Variants in PXT1 observed in about 807,000 individuals in gnomAD.
The protein encoded by PXT1 is peroxisomal testis-specific protein 1.
Under a neutral mutation model 11.0 loss-of-function variants are expected in PXT1, and 11 were observed. The observed-to-expected ratio is 1.00, with a 90% CI of 0.63 to 1.66. PXT1 has a LOEUF of 1.66. Ranked by LOEUF, PXT1 falls within the 40% of genes most tolerant of loss-of-function variation. The pLI is 0.00. For synonymous variants in PXT1, 43 were observed against 51.4 expected (o/e 0.84, Z 0.70); for missense variants, 141 against 155.5 (o/e 0.91, Z 0.49).
intron 3 of PXT1, among the ~76,000 whole-genome samples, chr6:36,414,807 T>A (rs9296180): frequency 1.3e-5 from 2 of 152,022 alleles, no homozygotes; most frequent in African/African-American, 4.8e-5. Flanking sequence ...TTCTCAGAGA[T>A]AAACCACCTC....
intron 4 of PXT1, among the ~76,000 whole-genome samples, chr6:36,392,497 C>G (rs1371363434): frequency 1.3e-5 from 2 of 151,980 alleles, no homozygotes; most frequent in Non-Finnish European, 2.9e-5. Flanking sequence ...GGTGAAACCT[C>G]ATCTCTAGAA....
intron 4 of PXT1, among the ~76,000 whole-genome samples, chr6:36,396,991 C>CTG (rs112294455): frequency 0.47 from 71,552 of 151,626 alleles, 17,266 homozygotes; most frequent in Middle Eastern, 0.58. Flanking sequence ...CTACTCTCTC[C>CTG]AGGGCCTCCT....
rs148989595 is a variant in PXT1 at position 36,395,767 on chromosome 6, A to C, written c.301-3893T>G. Among the ~76,000 whole-genome samples, 854 of 152,214 alleles carry C rather than the reference A, an allele frequency of 5.6e-3. 12 individuals are homozygous for C. The highest frequency in any genetic ancestry group is 7.0e-3 in the Non-Finnish European group (477 of 68,010). On this transcript the variant is annotated intron_variant, in intron 4 of 4. Coordinates refer to ENST00000454782, the MANE Select transcript of PXT1 (RefSeq NM_152990.4). The stretch of plus-strand genomic sequence containing the variant: ...GTAATCCTAGCACTTTGGGAGGCCG[A>C]GGCAGGCAGATTGCTTGAGCCCAGG...
In PXT1 at chr6:36,390,936, A is replaced by G. The variant is rs1774056948; in HGVS notation, c.*834T>C. The G allele has an allele frequency of 6.6e-6, 1 of 152,264 alleles. No individual in the cohort carries two copies. Among genetic ancestry groups the G allele is most frequent in the South Asian group, 2.1e-4 (1 of 4,836 alleles). The allele number at this position is 152,264 out of a possible 1,614,324, so 9.4% of individuals were successfully genotyped here. On this transcript the variant is annotated 3_prime_UTR_variant, in exon 5 of 5. Coordinates refer to ENST00000454782, the MANE Select transcript of PXT1 (RefSeq NM_152990.4). Reference sequence around the variant, plus strand: ...AGGCAGGACTGTTGGCCAAGGACTAAGCACTCCCGATTTTAAGCAGGCATG... The same window carrying G: ...AGGCAGGACTGTTGGCCAAGGACTAGGCACTCCCGATTTTAAGCAGGCATG...
chr6:36,415,300 A>C (rs535361713), intron 3 of PXT1, among the ~76,000 whole-genome samples: 168 of 152,218 alleles, frequency 1.1e-3, no homozygotes, highest in Middle Eastern at 6.8e-3. Context: ...AAAATTAGCC[A>C]GACATGGTGG....
intron 4 of PXT1, among the ~76,000 whole-genome samples, chr6:36,399,437 G>A (rs1344295867): frequency 3.3e-5 from 5 of 152,206 alleles, no homozygotes; most frequent in South Asian, 2.1e-4. Flanking sequence ...GTGAGCCACC[G>A]CACCTGGCCC....
intron 3 of PXT1, among the ~76,000 whole-genome samples, chr6:36,412,154 C>G (rs966642061): frequency 3.3e-5 from 5 of 151,462 alleles, no homozygotes; most frequent in Non-Finnish European, 2.9e-5. Context: ...GAGTTCAAGA[C>G]CAGCCTGGCC....
At chr6:36,441,125 AAAAG>A (rs1485198120) in intron 1 of PXT1, among the ~76,000 whole-genome samples, 33 of 152,094 alleles carry the variant, frequency 2.2e-4, no homozygotes, top group East Asian at 1.5e-3. Context: ...AAAAAAAAAA[AAAAG>A]AAAGACAATA....
intron 2 of PXT1, among the ~76,000 whole-genome samples, chr6:36,435,890 G>A (rs183658275): frequency 1.3e-5 from 2 of 152,158 alleles, no homozygotes; most frequent in Admixed American, 6.5e-5. Context: ...CCCTTTTCCT[G>A]CAACATCTCA....
chr6:36,416,072 C>A (rs1378856582), intron 3 of PXT1, among the ~76,000 whole-genome samples: 1 of 151,868 alleles, frequency 6.6e-6, no homozygotes, highest in South Asian at 2.1e-4. Flanking sequence ...GGGTGGCTCA[C>A]GTCTGCAATC....
chr6:36,430,525 A>G (rs544267), intron 2 of PXT1, among the ~76,000 whole-genome samples: 65,352 of 151,942 alleles, frequency 0.43, 15,513 homozygotes, highest in African/African-American at 0.61. Flanking sequence ...AGAGGTCAGA[A>G]TGACATGAGA....
At chr6:36,399,294 T>G (rs981600916) in intron 4 of PXT1, among the ~76,000 whole-genome samples, 7 of 152,036 alleles carry the variant, frequency 4.6e-5, no homozygotes, top group African/African-American at 1.4e-4. Context: ...TACAGGTGTG[T>G]GCCACCATGC....
chr6:36,424,429 C>G (rs1019371661), intron 3 of PXT1, among the ~76,000 whole-genome samples: 3 of 149,806 alleles, frequency 2.0e-5, no homozygotes, highest in Non-Finnish European at 3.0e-5. Context: ...ATCACGAGGT[C>G]AGGAGATCAA....
At chr6:36,436,113 C>CAAAAAAAAAAAAAAAAAAAAA (rs11294829) in intron 2 of PXT1, among the ~76,000 whole-genome samples, 4 of 60,088 alleles carry the variant, frequency 6.7e-5, no homozygotes, top group Non-Finnish European at 6.7e-5. Context: ...AAAAGTAAGC[C>CAAAAAAAAAAAAAAAAAAAAA]AAAAAAAAAA....
intron 3 of PXT1, 121 bp downstream of exon 3, chr6:36,425,793 A>T: frequency 3.3e-6 from 1 of 299,220 alleles, no homozygotes. Context: ...GTCTCAAAAA[A>T]CAAAAACAAA....
At chr6:36,420,717 CTTA>C (rs1418261877) in intron 3 of PXT1, among the ~76,000 whole-genome samples, 6 of 152,118 alleles carry the variant, frequency 3.9e-5, no homozygotes, top group Non-Finnish European at 8.8e-5. Flanking sequence ...TGGTAAGTCA[CTTA>C]TTATTAATTC....
intron 3 of PXT1, among the ~76,000 whole-genome samples, chr6:36,422,477 C>G (rs1774535693): frequency 6.6e-6 from 1 of 152,200 alleles, no homozygotes; most frequent in African/African-American, 2.4e-5. Context: ...TAGCACTTAT[C>G]ACATTATATT....
At chr6:36,424,448 T>A (rs1296945791) in intron 3 of PXT1, among the ~76,000 whole-genome samples, 1 of 150,956 alleles carries the variant, frequency 6.6e-6, no homozygotes, top group Non-Finnish European at 1.5e-5. Context: ...AAGACCATCC[T>A]GGCTAACACG....
intron 3 of PXT1, among the ~76,000 whole-genome samples, chr6:36,406,131 T>A (rs1774285999): frequency 1.3e-5 from 2 of 152,228 alleles, no homozygotes; most frequent in African/African-American, 4.8e-5. Context: ...CCAATCACTA[T>A]CTGATTTGCC....
Sources: allele counts gnomAD v4.1 joint callset (sites outside exome capture counted in the v4.1 genomes callset), GRCh38; gene constraint gnomAD v4.1.1; transcripts MANE v1.5; gene names NCBI Gene and HGNC (gene_info 2026-07-23, HGNC 2026-07-21).